The following CFAP61 variants were observed in gnomAD, a reference collection of about 807,000 sequenced individuals.
The protein encoded by CFAP61 is cilia and flagella associated protein 61.
Under a neutral mutation model 135.6 loss-of-function variants are expected in CFAP61, and 107 were observed. The ratio of observed to expected loss-of-function variants is 0.79; its 90% CI spans 0.67 to 0.93. CFAP61 has a LOEUF of 0.93. CFAP61 is among the 40% of genes least tolerant of loss of function. The pLI, the probability that CFAP61 is intolerant of heterozygous loss-of-function variation, is 0.00. For missense variants in CFAP61, 1,507 were observed against 1,556.2 expected (o/e 0.97, Z 0.53); for synonymous variants, 575 against 578.5 (o/e 0.99, Z 0.09).
At chr20:20,308,841 C>T (rs1349415812) in intron 25 of CFAP61, among the ~76,000 whole-genome samples, 1 of 152,140 alleles carries the variant, frequency 6.6e-6, no homozygotes, top group Non-Finnish European at 1.5e-5. Flanking sequence ...TCATTACATA[C>T]CCATCTGGCA....
intron 2 of CFAP61, among the ~76,000 whole-genome samples, chr20:20,068,819 G>A (rs1446292692): frequency 1.3e-5 from 2 of 152,082 alleles, no homozygotes; most frequent in African/African-American, 2.4e-5. Context: ...ATCTTGGCTC[G>A]CTGCAACCTC....
intron 25 of CFAP61, among the ~76,000 whole-genome samples, chr20:20,309,683 AT>A: frequency 6.6e-6 from 1 of 152,188 alleles, no homozygotes; most frequent in Middle Eastern, 3.4e-3. Flanking sequence ...TTGACTCATC[AT>A]TTACCTATTA....
intron 2 of CFAP61, among the ~76,000 whole-genome samples, chr20:20,067,691 T>C (rs1330035515): frequency 7.0e-6 from 1 of 143,532 alleles, no homozygotes; most frequent in Non-Finnish European, 1.5e-5. Context: ...ATATATAATT[T>C]TTTTATATAT....
At chr20:20,246,261 C>A in intron 19 of CFAP61, 46 bp downstream of exon 19, 2 of 1,151,838 alleles carry the variant, frequency 1.7e-6, no homozygotes, top group Non-Finnish European at 2.6e-6. Flanking sequence ...AAATGTCCTA[C>A]TCTGTGTGCA....
intron 8 of CFAP61, among the ~76,000 whole-genome samples, chr20:20,109,206 T>A (rs1468306900): frequency 6.6e-6 from 1 of 152,238 alleles, no homozygotes; most frequent in Non-Finnish European, 1.5e-5. Context: ...TGTGTGTCAC[T>A]TTGATCACTT....
intron 13 of CFAP61, among the ~76,000 whole-genome samples, chr20:20,172,625 T>A (rs990109136): frequency 6.6e-6 from 1 of 152,106 alleles, no homozygotes; most frequent in Non-Finnish European, 1.5e-5. Flanking sequence ...GCCAATAAAC[T>A]TTTTTTCCAA....
At chr20:20,316,228 G>C (rs1049374159) in intron 25 of CFAP61, among the ~76,000 whole-genome samples, 1 of 152,102 alleles carries the variant, frequency 6.6e-6, no homozygotes, top group East Asian at 1.9e-4. Flanking sequence ...GCAGTGGTTT[G>C]TAGTTCTCCT....
chr20:20,076,375 G>A (rs1160737711), intron 6 of CFAP61, among the ~76,000 whole-genome samples: 4 of 152,164 alleles, frequency 2.6e-5, no homozygotes, highest in Non-Finnish European at 5.9e-5. Flanking sequence ...AGCCCCAGCT[G>A]GGCTCCCGCT....
At chr20:20,290,520 C>T (rs1050021470) in intron 24 of CFAP61, 129 bp downstream of exon 24, 2 of 665,726 alleles carry the variant, frequency 3.0e-6, no homozygotes, top group African/African-American at 1.8e-5. Flanking sequence ...CTGGAGTAAT[C>T]GTCCCCCAAG....
chr20:20,326,788 T>A (rs1016873028), intron 25 of CFAP61, among the ~76,000 whole-genome samples: 16 of 152,190 alleles, frequency 1.1e-4, no homozygotes, highest in Admixed American at 2.0e-4. Flanking sequence ...TAATGTGTAG[T>A]CTTCTTAGCT....
intron 17 of CFAP61, among the ~76,000 whole-genome samples, chr20:20,216,471 T>G (rs947611978): frequency 1.3e-5 from 2 of 152,164 alleles, no homozygotes; most frequent in Non-Finnish European, 1.5e-5. Flanking sequence ...CCTGTTTGGT[T>G]TTGTATTTGG....
chr20:20,360,103 C>A, intron 26 of CFAP61, 107 bp from the exon 27 acceptor site: 1 of 797,510 alleles, frequency 1.3e-6, no homozygotes, highest in Non-Finnish European at 2.1e-6. Flanking sequence ...AAAAAATGAC[C>A]ATCCTTGCAG....
intron 8 of CFAP61, among the ~76,000 whole-genome samples, chr20:20,129,617 G>GTT (rs200616337): frequency 1.6e-4 from 23 of 139,642 alleles, no homozygotes; most frequent in East Asian, 8.2e-4. Flanking sequence ...ATTTTGGAAA[G>GTT]TTTTTTTTTT....
chr20:20,106,241 C>T (rs964782576), intron 8 of CFAP61, among the ~76,000 whole-genome samples: 1 of 151,884 alleles, frequency 6.6e-6, no homozygotes, highest in African/African-American at 2.4e-5. Context: ...ACCTGAAGCC[C>T]AGAACTTGTT....
intron 8 of CFAP61, among the ~76,000 whole-genome samples, chr20:20,128,648 A>T (rs892940129): frequency 1.3e-5 from 2 of 151,694 alleles, no homozygotes; most frequent in Non-Finnish European, 2.9e-5. Context: ...TCACAATGCA[A>T]GCCTCTGCAC....
intron 17 of CFAP61, chr20:20,221,868 C>T (rs1436597477): frequency 6.6e-6 from 1 of 152,216 alleles, no homozygotes; most frequent in Non-Finnish European, 1.5e-5. Flanking sequence ...AATAAGCATT[C>T]ATTTCAATGC....
chr20:20,053,862 A>G (rs1332835732), intron 1 of CFAP61, among the ~76,000 whole-genome samples: 1 of 152,176 alleles, frequency 6.6e-6, no homozygotes, highest in Non-Finnish European at 1.5e-5. Context: ...TAAACAATTG[A>G]TTTACCAAAT....
At chr20:20,308,092 T>G (rs1409865179) in intron 25 of CFAP61, among the ~76,000 whole-genome samples, 1 of 152,110 alleles carries the variant, frequency 6.6e-6, no homozygotes, top group Non-Finnish European at 1.5e-5. Context: ...ACTATGAGAG[T>G]CAACTGCCCC....
At chr20:20,103,550 AG>A (rs1311614152) in intron 8 of CFAP61, among the ~76,000 whole-genome samples, 1 of 152,202 alleles carries the variant, frequency 6.6e-6, no homozygotes, top group Non-Finnish European at 1.5e-5. Context: ...ACACTTACAA[AG>A]GGCTTTCTGC....
Sources: gnomAD v4.1 joint callset for allele counts (sites outside exome capture counted in the v4.1 genomes callset) on GRCh38, gnomAD v4.1.1 for gene constraint, MANE v1.5 for transcripts, NCBI Gene and HGNC (gene_info 2026-07-23, HGNC 2026-07-21) for gene names.